Variants in FHIT observed in about 807,000 individuals in gnomAD.
FHIT encodes bis(5'-adenosyl)-triphosphatase.
Under a neutral mutation model 17.9 loss-of-function variants are expected in FHIT, and 19 were observed. The observed-to-expected ratio is 1.06, with a 90% confidence interval of 0.74 to 1.56. The LOEUF (loss-of-function observed/expected upper bound fraction) is 1.56. Ranked by LOEUF, FHIT falls within the 40% of genes most tolerant of loss-of-function variation. The pLI, the probability that FHIT is intolerant of heterozygous loss-of-function variation, is 0.00. For synonymous variants in FHIT, 81 were observed against 69.7 expected, an observed-to-expected ratio of 1.16 and a Z score of -0.81; for missense variants, 248 against 189.2, an observed-to-expected ratio of 1.31 and a Z score of -1.82.
rs140105584 is a variant in FHIT at position 60,960,517 on chromosome 3, C to T, written c.-111+81530G>A. Among the ~76,000 whole-genome samples, 76 of 152,280 alleles carry T rather than the reference C, an allele frequency of 5.0e-4. No individual in the cohort carries two copies. The East Asian group carries it at 0.014, about 28-fold the overall frequency. ...ATACATGTGCCATGTTAGTGTGCTGCACCCATTAACTCATCATTTACATTA... is the reference window on the plus strand; with the variant it reads ...ATACATGTGCCATGTTAGTGTGCTGTACCCATTAACTCATCATTTACATTA... On this transcript the variant is annotated intron_variant, in intron 3 of 9. Coordinates refer to ENST00000492590, the MANE Select transcript of FHIT (RefSeq NM_002012.4).
At chr3:60,824,495 C>G (rs79419346) in intron 3 of FHIT, among the ~76,000 whole-genome samples, 4,063 of 151,956 alleles carry the variant, frequency 0.027, 196 homozygotes, top group African/African-American at 0.093. Flanking sequence ...CTAAAATCAA[C>G]AAAAAGAAAA....
At chr3:61,224,236 C>T (rs1359511463) in intron 1 of FHIT, among the ~76,000 whole-genome samples, 1 of 152,048 alleles carries the variant, frequency 6.6e-6, no homozygotes, top group Non-Finnish European at 1.5e-5. Context: ...GTTTTTATGT[C>T]AATTCAAAAG....
intron 5 of FHIT, among the ~76,000 whole-genome samples, chr3:60,343,750 T>C (rs185803563): frequency 2.6e-5 from 4 of 152,152 alleles, no homozygotes; most frequent in Non-Finnish European, 5.9e-5. Flanking sequence ...TGGATACATC[T>C]GTCCACAACA....
intron 5 of FHIT, among the ~76,000 whole-genome samples, chr3:60,130,784 G>GTATACACACATATGTGTGTGTGTGTGT (rs148356992): frequency 9.0e-6 from 1 of 111,628 alleles, no homozygotes; most frequent in Non-Finnish European, 2.0e-5. Flanking sequence ...GTGTGTGTGT[G>GTATACACACATATGTGTGTGTGTGTGT]GTGTGTATAT....
chr3:61,215,071 G>A (rs1413326506), intron 1 of FHIT, among the ~76,000 whole-genome samples: 3 of 151,386 alleles, frequency 2.0e-5, no homozygotes, highest in Non-Finnish European at 4.4e-5. Flanking sequence ...GGCAAAAACT[G>A]GAAGCATTCC....
chr3:59,767,914 G>A (rs1457508416), intron 8 of FHIT, among the ~76,000 whole-genome samples: 2 of 152,092 alleles, frequency 1.3e-5, no homozygotes, highest in Non-Finnish European at 2.9e-5. Context: ...ACTAAATTGA[G>A]GCTCTAACTT....
chr3:61,035,373 T>A (rs2033191627), intron 3 of FHIT, among the ~76,000 whole-genome samples: 1 of 152,206 alleles, frequency 6.6e-6, no homozygotes, highest in Admixed American at 6.5e-5. Flanking sequence ...AAAATACATT[T>A]TACATTACTT....
Position 60,366,800 on chromosome 3 carries a change from C to T in FHIT, c.103+170060G>A, listed in dbSNP as rs549684084. ...CCCAGACTGTGGTATTGTTTTACAA[C>T]AGCAGAAAATGGACTAAGACAATCC... On this transcript the variant is annotated intron_variant, in intron 5 of 9. Coordinates refer to ENST00000492590, the MANE Select transcript of FHIT (RefSeq NM_002012.4). 1.7e-4 allele frequency among the ~76,000 whole-genome samples: 26 copies of T among 152,276 alleles called. No individual in the cohort carries two copies. The South Asian group carries it at 5.4e-3, about 32-fold the overall frequency.
chr3:60,236,094 T>C (rs1704770062), intron 5 of FHIT, among the ~76,000 whole-genome samples: 1 of 152,036 alleles, frequency 6.6e-6, no homozygotes, highest in Non-Finnish European at 1.5e-5. Flanking sequence ...GCATCTTCTC[T>C]ATCTTTCAAC....
At chr3:59,987,100 T>TA (rs200727969) in intron 7 of FHIT, among the ~76,000 whole-genome samples, 18 of 138,196 alleles carry the variant, frequency 1.3e-4, no homozygotes, top group Admixed American at 8.3e-4. Context: ...TATGAAGATA[T>TA]AAAAAATCTA....
intron 4 of FHIT, among the ~76,000 whole-genome samples, chr3:60,641,507 G>A (rs1429432629): frequency 6.6e-6 from 1 of 152,078 alleles, no homozygotes; most frequent in Non-Finnish European, 1.5e-5. Flanking sequence ...TTTCTCAGGG[G>A]CCCAGAAACA....
At chr3:60,144,250 C>A (rs1281311335) in intron 5 of FHIT, among the ~76,000 whole-genome samples, 1 of 152,166 alleles carries the variant, frequency 6.6e-6, no homozygotes, top group African/African-American at 2.4e-5. Flanking sequence ...GGGAGACCAA[C>A]TAACAACTCT....
chr3:60,596,887 T>TC (rs1238526685), intron 4 of FHIT, among the ~76,000 whole-genome samples: 1 of 152,068 alleles, frequency 6.6e-6, no homozygotes, highest in Non-Finnish European at 1.5e-5. Flanking sequence ...GTTAGTATTG[T>TC]CCCCCTGTGC....
intron 4 of FHIT, among the ~76,000 whole-genome samples, chr3:60,563,131 C>G (rs2037012189): frequency 6.6e-6 from 1 of 152,138 alleles, no homozygotes; most frequent in Non-Finnish European, 1.5e-5. Flanking sequence ...AATAGCCAAG[C>G]AAGCATGGAG....
intron 5 of FHIT, among the ~76,000 whole-genome samples, chr3:60,420,863 C>A (rs1702439497): frequency 6.6e-6 from 1 of 152,132 alleles, no homozygotes; most frequent in Non-Finnish European, 1.5e-5. Flanking sequence ...TACATGCTTT[C>A]ATACATCTTT....
chr3:60,310,065 C>G (rs886102241), intron 5 of FHIT, among the ~76,000 whole-genome samples: 1 of 152,112 alleles, frequency 6.6e-6, no homozygotes, highest in Non-Finnish European at 1.5e-5. Context: ...GCAGGCAGAG[C>G]AGGCAGGCAA....
At chr3:61,101,553 G>T (rs1453966862) in intron 2 of FHIT, among the ~76,000 whole-genome samples, 1 of 151,962 alleles carries the variant, frequency 6.6e-6, no homozygotes, top group African/African-American at 2.4e-5. Flanking sequence ...CTCTTTTTTG[G>T]TTCCATATGA....
chr3:60,239,511 A>C (rs1302793572), intron 5 of FHIT, among the ~76,000 whole-genome samples: 1 of 152,132 alleles, frequency 6.6e-6, no homozygotes, highest in Admixed American at 6.6e-5. Context: ...GCTGCAGTGA[A>C]CCATGGTCAT....
At chr3:60,679,857 G>A (rs1215359856) in intron 4 of FHIT, among the ~76,000 whole-genome samples, 1 of 152,022 alleles carries the variant, frequency 6.6e-6, no homozygotes, top group Non-Finnish European at 1.5e-5. Flanking sequence ...AATGGTATTA[G>A]ATTGCATTCT....
Sources: gnomAD v4.1 joint callset for allele counts (sites outside exome capture counted in the v4.1 genomes callset) on GRCh38, gnomAD v4.1.1 for gene constraint, MANE v1.5 for transcripts, NCBI Gene and HGNC (gene_info 2026-07-23, HGNC 2026-07-21) for gene names.